ABHD6: variants seen among roughly 807,000 people sequenced by gnomAD.
ABHD6 encodes the protein abhydrolase domain containing 6, acylglycerol lipase.
A neutral mutation model predicts 38.8 loss-of-function variants in ABHD6; 33 were observed. The observed-to-expected ratio is 0.85, with a 90% CI of 0.64 to 1.14. The LOEUF (loss-of-function observed/expected upper bound fraction) is 1.14. ABHD6 is among the 50% of genes most tolerant of loss of function. The pLI is 0.00. For missense variants in ABHD6, 380 were observed against 422.6 expected, an observed-to-expected ratio of 0.90 and a Z score of 0.88; for synonymous variants, 147 against 161.6, an observed-to-expected ratio of 0.91 and a Z score of 0.69.
At position 58,293,706 on chromosome 3, in the gene ABHD6, C is replaced by T; in HGVS notation, c.955C>T (p.Leu319Phe). The change falls in exon 10 of 10, where the codon CTC (leucine) becomes TTC (phenylalanine). Residue 319 changes from leucine to phenylalanine, a missense_variant. Coordinates refer to ENST00000478253, the MANE Select transcript of ABHD6 (RefSeq NM_001320126.2). This position sits in a 1 kb window ranked among gnomAD's most constrained non-coding sequence, Gnocchi z 4.4. ...VMERPRKTAKLIIDFLASVHN... is the reference protein window; with the variant it reads ...VMERPRKTAKFIIDFLASVHN... The stretch of plus-strand genomic sequence containing the variant: ...GGAAAGACCCAGGAAGACAGCCAAG[C>T]TCATAATCGACTTTTTAGCTTCTGT... 1 of 1,614,218 alleles carries T rather than the reference C, an allele frequency of 6.2e-7. No individual in the cohort carries two copies. The highest frequency in any genetic ancestry group is 1.1e-5 in the South Asian group (1 of 91,090).
chr3:58,283,700 A>G, intron 7 of ABHD6, among the ~76,000 whole-genome samples: 1 of 152,202 alleles, frequency 6.6e-6, no homozygotes, highest in Non-Finnish European at 1.5e-5. Context: ...ATATCTGGTT[A>G]ATGCAGAGAT....
chr3:58,269,309 G>A lies in ABHD6; in HGVS notation c.277-12G>A, dbSNP rs747851189. ...CACCACATACTGACTCTCTGGGTCT[G>A]TGTGTCCTCAGTTCCTTCCAAAGAA... On this transcript the variant is annotated splice_polypyrimidine_tract_variant and intron_variant, in intron 4 of 9. Transcript: ENST00000478253. This position sits in a 1 kb window ranked among gnomAD's most constrained non-coding sequence, Gnocchi z 4.4. The A allele has an allele frequency of 1.6e-5, 26 of 1,607,308 alleles. No individual in the cohort carries two copies. Among genetic ancestry groups the A allele is most frequent in the Non-Finnish European group, 2.1e-5 (25 of 1,174,182 alleles).
chr3:58,260,784 A>G (rs879488826), intron 3 of ABHD6, among the ~76,000 whole-genome samples: 2 of 152,226 alleles, frequency 1.3e-5, no homozygotes, highest in South Asian at 4.1e-4. Context: ...CTGCCCTGCC[A>G]TATGAGCATA....
Position 58,256,751 on chromosome 3 carries a change from G to A in ABHD6, c.119+46G>A, listed in dbSNP as rs1575518190. 1 of 1,403,208 alleles carries A rather than the reference G, an allele frequency of 7.1e-7. No individual in the cohort carries two copies. Among genetic ancestry groups the A allele is most frequent in the East Asian group, 2.3e-5 (1 of 43,186 alleles). The allele number at this position is 1,403,208 out of a possible 1,614,324, so 86.9% of individuals were successfully genotyped here. A position where few individuals can be genotyped will look rare whatever the true frequency, so the allele number is the denominator to read the frequency against. Reference sequence around the variant, plus strand: ...ATGTTTTCAAGAGTATCATAATATTGACATCTTCTCTGCTTGTCCTTTTTG... The same window carrying A: ...ATGTTTTCAAGAGTATCATAATATTAACATCTTCTCTGCTTGTCCTTTTTG... On this transcript the variant is annotated intron_variant, in intron 3 of 9. Coordinates refer to ENST00000478253, the MANE Select transcript of ABHD6 (RefSeq NM_001320126.2). The surrounding 1 kb of genome is among the most constrained non-coding windows in gnomAD (Gnocchi z 4.3).
intron 9 of ABHD6, among the ~76,000 whole-genome samples, chr3:58,286,842 G>GTATACATATATATATATA (rs1553721703): frequency 2.7e-5 from 1 of 36,414 alleles, no homozygotes; most frequent in African/African-American, 1.1e-4. Context: ...GTGTGTGTGT[G>GTATACATATATATATATA]TGTGTGTGTG....
chr3:58,284,934 T>C, intron 7 of ABHD6, 151 bp from the exon 8 acceptor site: 2 of 671,840 alleles, frequency 3.0e-6, no homozygotes, highest in South Asian at 3.5e-5. Flanking sequence ...GACTGTGTGC[T>C]GCATCATGGG....
intron 6 of ABHD6, among the ~76,000 whole-genome samples, chr3:58,272,527 C>T (rs1173639660): frequency 1.3e-5 from 2 of 151,980 alleles, no homozygotes; most frequent in African/African-American, 2.4e-5. Flanking sequence ...ACATTGAAAT[C>T]GAAGAGAAGA....
At chr3:58,243,539 A>G (rs962973699) in intron 1 of ABHD6, among the ~76,000 whole-genome samples, 2 of 152,092 alleles carry the variant, frequency 1.3e-5, no homozygotes, top group African/African-American at 4.8e-5. Context: ...TTATAGGTAG[A>G]GAGTGGAGAA....
At chr3:58,280,343 C>G (rs975488593) in intron 7 of ABHD6, among the ~76,000 whole-genome samples, 2 of 151,760 alleles carry the variant, frequency 1.3e-5, no homozygotes, top group Non-Finnish European at 2.9e-5. Flanking sequence ...TTAATTTTAT[C>G]TTCAATCACG....
chr3:58,240,864 G>A (rs549382632), intron 1 of ABHD6, among the ~76,000 whole-genome samples: 169 of 152,024 alleles, frequency 1.1e-3, no homozygotes, highest in African/African-American at 3.5e-3. Context: ...CAGAGTAGCT[G>A]GGATTACAGG....
intron 9 of ABHD6, among the ~76,000 whole-genome samples, chr3:58,286,872 A>ATATATATATATATG (rs1559784535): frequency 7.5e-6 from 1 of 133,838 alleles, no homozygotes; most frequent in African/African-American, 2.8e-5. Context: ...ATATATATGT[A>ATATATATATATATG]TATGTATATA....
chr3:58,247,216 T>G (rs2097427043), intron 1 of ABHD6, among the ~76,000 whole-genome samples: 1 of 152,026 alleles, frequency 6.6e-6, no homozygotes, highest in Non-Finnish European at 1.5e-5. Context: ...TTGCCCAGGC[T>G]TGTCTCTAAC....
chr3:58,277,960 C>T (rs139345557), intron 7 of ABHD6, among the ~76,000 whole-genome samples: 5 of 152,252 alleles, frequency 3.3e-5, no homozygotes, highest in African/African-American at 7.2e-5. Context: ...GGGATGAAGC[C>T]GACTTGATCG....
Position 58,251,796 on chromosome 3 carries a change from T to C in ABHD6, c.-26+1854T>C, listed in dbSNP as rs2097430119. On this transcript the variant is annotated intron_variant, in intron 2 of 9. Coordinates refer to ENST00000478253, the MANE Select transcript of ABHD6 (RefSeq NM_001320126.2). This position sits in a 1 kb window ranked among gnomAD's most constrained non-coding sequence, Gnocchi z 5.4. ...GGGGTGCCTCACTTTACACGATAAA[T>C]AGATAAAATGAAGTGTTTTTCTTTT... Among the ~76,000 whole-genome samples the C allele has an allele frequency of 6.6e-6, 1 of 152,094 alleles. No individual in the cohort carries two copies. The highest frequency in any genetic ancestry group is 2.4e-5 in the African/African-American group (1 of 41,394).
At chr3:58,261,270 T>A (rs1212136906) in intron 3 of ABHD6, among the ~76,000 whole-genome samples, 1 of 152,180 alleles carries the variant, frequency 6.6e-6, no homozygotes, top group Non-Finnish European at 1.5e-5. Flanking sequence ...TGACATTGTT[T>A]GCAGATGACA....
At chr3:58,262,280 GTCATTGA>G (rs1356809920) in intron 3 of ABHD6, among the ~76,000 whole-genome samples, 6 of 152,196 alleles carry the variant, frequency 3.9e-5, no homozygotes, top group African/African-American at 1.4e-4. Context: ...GTTGTGTAAT[GTCATTGA>G]TCGTACACTT....
At chr3:58,254,663 G>A (rs571283058) in intron 2 of ABHD6, among the ~76,000 whole-genome samples, 3 of 152,252 alleles carry the variant, frequency 2.0e-5, no homozygotes, top group Admixed American at 6.5e-5. Flanking sequence ...TCTGTATTAT[G>A]TTTGGTGAGT....
At chr3:58,280,923 G>A (rs2097452690) in intron 7 of ABHD6, among the ~76,000 whole-genome samples, 1 of 152,196 alleles carries the variant, frequency 6.6e-6, no homozygotes, top group South Asian at 2.1e-4. Context: ...CACCAGCGGA[G>A]TCTGCAGAAC....
At chr3:58,275,572 C>G (rs1419814114) in intron 7 of ABHD6, among the ~76,000 whole-genome samples, 1 of 152,094 alleles carries the variant, frequency 6.6e-6, no homozygotes, top group African/African-American at 2.4e-5. Flanking sequence ...CGTGATCCGT[C>G]CACCTCAGCC....
Sources: allele counts gnomAD v4.1 joint callset (sites outside exome capture counted in the v4.1 genomes callset), GRCh38; gene constraint gnomAD v4.1.1; non-coding constraint Gnocchi (gnomAD v3.1); transcripts MANE v1.5; gene names NCBI Gene and HGNC (gene_info 2026-07-23, HGNC 2026-07-21).